The following TMOD3 variants were observed in gnomAD, a reference collection of about 807,000 sequenced individuals.
TMOD3 encodes tropomodulin 3.
Under a neutral mutation model 39.2 loss-of-function variants are expected in TMOD3, and 20 were observed. That is an observed-to-expected ratio of 0.51 (90% CI 0.36 to 0.74). TMOD3 has a LOEUF of 0.74. Ranked by LOEUF, TMOD3 falls within the 30% of genes least tolerant of loss-of-function variation. TMOD3 has a pLI of 0.00. For missense variants in TMOD3, 381 were observed against 412.8 expected (o/e 0.92, Z 0.67); for synonymous variants, 143 against 145.8 (o/e 0.98, Z 0.14).
intron 3 of TMOD3, among the ~76,000 whole-genome samples, chr15:51,873,968 A>T (rs2056488774): frequency 6.6e-6 from 1 of 152,110 alleles, no homozygotes; most frequent in Non-Finnish European, 1.5e-5. Flanking sequence ...CACTAAAAGG[A>T]TTACTTACCT....
chr15:51,832,962 C>T (rs982396364), intron 1 of TMOD3, among the ~76,000 whole-genome samples: 2 of 152,182 alleles, frequency 1.3e-5, no homozygotes, highest in East Asian at 1.9e-4. Flanking sequence ...TTCTCTAGGC[C>T]GTGTGGCTAA....
intron 1 of TMOD3, among the ~76,000 whole-genome samples, chr15:51,847,309 A>C (rs16964561): frequency 0.037 from 5,616 of 152,318 alleles, 135 homozygotes; most frequent in Non-Finnish European, 0.05. Context: ...TTCAGATTTC[A>C]AACTATTTTC....
intron 3 of TMOD3, 23 bp downstream of exon 3, chr15:51,869,396 CATT>C: frequency 1.2e-6 from 2 of 1,604,350 alleles, no homozygotes; most frequent in Non-Finnish European, 1.7e-6. Context: ...ATTTTAAAGT[CATT>C]ATGTGGTAAC....
chr15:51,832,204 T>TATATATATATATATATATATATATAC, intron 1 of TMOD3, among the ~76,000 whole-genome samples: 1 of 41,344 alleles, frequency 2.4e-5, no homozygotes, highest in East Asian at 5.2e-4. Flanking sequence ...GAAAAAAAAT[T>TATATATATATATATATATATATATAC]ATATATATAT....
intron 1 of TMOD3, among the ~76,000 whole-genome samples, chr15:51,854,409 A>G (rs1386823414): frequency 1.3e-5 from 2 of 152,220 alleles, no homozygotes; most frequent in Admixed American, 6.5e-5. Context: ...CCAGAGAGCA[A>G]TATGATCACA....
intron 1 of TMOD3, among the ~76,000 whole-genome samples, chr15:51,831,563 T>C (rs1349771105): frequency 1.3e-5 from 2 of 152,220 alleles, no homozygotes; most frequent in East Asian, 3.8e-4. Context: ...TTCAGGTGTT[T>C]TTAATAGCAA....
chr15:51,900,373 G>A, intron 8 of TMOD3, 75 bp downstream of exon 8: 1 of 1,545,764 alleles, frequency 6.5e-7, no homozygotes, highest in Non-Finnish European at 8.8e-7. Flanking sequence ...ACTCAGGATG[G>A]GGATGGGAGG....
At chr15:51,893,294 C>CAAAAAAAAAAAAAAA in intron 5 of TMOD3, among the ~76,000 whole-genome samples, 2 of 59,008 alleles carry the variant, frequency 3.4e-5, no homozygotes, top group Non-Finnish European at 5.8e-5. Context: ...GACTCCATCT[C>CAAAAAAAAAAAAAAA]AAAAAAAAAA....
chr15:51,905,900 C>T (rs1365972190), intron 9 of TMOD3, among the ~76,000 whole-genome samples: 3 of 124,722 alleles, frequency 2.4e-5, no homozygotes, highest in African/African-American at 3.2e-5. Context: ...GCCGAGATTG[C>T]GCCACTGCAG....
intron 3 of TMOD3, among the ~76,000 whole-genome samples, chr15:51,872,552 G>A (rs1209392354): frequency 2.6e-5 from 4 of 151,312 alleles, no homozygotes. Flanking sequence ...CATACATTCC[G>A]GGCATCTGGC....
At chr15:51,902,126 A>C in intron 9 of TMOD3, 90 bp downstream of exon 9, 5 of 1,476,064 alleles carry the variant, frequency 3.4e-6, no homozygotes, top group Non-Finnish European at 4.6e-6. Context: ...AAATTCTAAC[A>C]GAGAAGTTAT....
rs1029174507 is a variant in TMOD3, at chr15:51,829,739, G to C, written c.-172G>C. On this transcript the variant is annotated 5_prime_UTR_variant, in exon 1 of 10. Transcript: ENST00000308580. ...TGGCAACTCTTTGGGAGGCCGACGC[G>C]GGCGGACCGGCGGGTGCTGGGAACC... 6.6e-6 allele frequency: 1 copy of C among 152,544 alleles called. No individual in the cohort carries two copies. The highest frequency in any genetic ancestry group is 1.5e-5 in the Non-Finnish European group (1 of 68,294). 9.4% of individuals were successfully genotyped at this position (152,544 alleles called of 1,614,324 possible).
In TMOD3 at chr15:51,855,899, G is replaced by A. The variant is rs151308762; in HGVS notation, c.-74-6912G>A. Among the ~76,000 whole-genome samples the A allele has an allele frequency of 2.5e-3, 383 of 152,308 alleles. 3 individuals carry two copies. The highest frequency in any genetic ancestry group is 3.8e-3 in the Admixed American group (58 of 15,300). Reference sequence around the variant, plus strand: ...AGTATACAAATGTTCCTCAATAAAGGATGAGAGTTGAGAGGGAAGGTAAAA... The same window carrying A: ...AGTATACAAATGTTCCTCAATAAAGAATGAGAGTTGAGAGGGAAGGTAAAA... On this transcript the variant is annotated intron_variant, in intron 1 of 9. Coordinates refer to ENST00000308580, the MANE Select transcript of TMOD3 (RefSeq NM_014547.5).
In TMOD3 at chr15:51,877,333, G is replaced by T. The variant is rs112780353; in HGVS notation, c.283+7960G>T. Among the ~76,000 whole-genome samples the T allele has an allele frequency of 7.2e-3, 1,090 of 152,184 alleles. 15 individuals carry two copies. The highest frequency in any genetic ancestry group is 0.025 in the African/African-American group (1,052 of 41,506). On this transcript the variant is annotated intron_variant, in intron 3 of 9. Transcript: ENST00000308580. ...AAATATTCTTGAGTTTCATTCTGGG[G>T]TGCAGTTAAGTTACTTGGAAACAGT...
At chr15:51,908,612 G>GT (rs543529390) in intron 9 of TMOD3, among the ~76,000 whole-genome samples, 164 bp from the exon 10 acceptor site, 6,032 of 120,758 alleles carry the variant, frequency 0.05, 131 homozygotes, top group Non-Finnish European at 0.063. Flanking sequence ...GAAGTAGGTT[G>GT]TTTTTTTTTT....
chr15:51,844,720 G>A (rs1248297945), intron 1 of TMOD3, among the ~76,000 whole-genome samples: 1 of 152,116 alleles, frequency 6.6e-6, no homozygotes, highest in African/African-American at 2.4e-5. Flanking sequence ...TAATTCCTAT[G>A]ATTTATGATT....
chr15:51,893,725 A>G lies in TMOD3; in HGVS notation c.497-90A>G. Reference sequence around the variant, plus strand: ...GCTTGCAGTGAGCCGAGATCGTGCCACTGCACTCCGGCCTGGGCGAAAGTG... The same window carrying G: ...GCTTGCAGTGAGCCGAGATCGTGCCGCTGCACTCCGGCCTGGGCGAAAGTG... On this transcript the variant is annotated intron_variant, in intron 5 of 9. Coordinates refer to ENST00000308580, the MANE Select transcript of TMOD3 (RefSeq NM_014547.5). 1.0e-5 allele frequency: 13 copies of G among 1,273,702 alleles called. No homozygotes were observed. The South Asian group carries it at 2.6e-4, about 26-fold the overall frequency. 78.9% of individuals were successfully genotyped at this position (1,273,702 alleles called of 1,614,324 possible). A position where few individuals can be genotyped will look rare whatever the true frequency, so the allele number is the denominator to read the frequency against.
At chr15:51,883,982 A>G (rs918029335) in intron 3 of TMOD3, among the ~76,000 whole-genome samples, 4 of 152,260 alleles carry the variant, frequency 2.6e-5, no homozygotes, top group African/African-American at 7.2e-5. Flanking sequence ...TTACCTGTGA[A>G]CCAATAATAA....
chr15:51,862,139 A>G (rs939723679), intron 1 of TMOD3, among the ~76,000 whole-genome samples: 1 of 152,036 alleles, frequency 6.6e-6, no homozygotes, highest in African/African-American at 2.4e-5. Context: ...CCTGGGAGAG[A>G]CCGCACAGGA....
Sources: gnomAD v4.1 joint callset for allele counts (sites outside exome capture counted in the v4.1 genomes callset) on GRCh38, gnomAD v4.1.1 for gene constraint, MANE v1.5 for transcripts, NCBI Gene and HGNC (gene_info 2026-07-23, HGNC 2026-07-21) for gene names.